FANCD2OS: variants seen among roughly 807,000 people sequenced by gnomAD.
FANCD2OS encodes the protein FANCD2 opposite strand, also known as FANCD2 opposite strand protein.
A neutral mutation model predicts 13.2 loss-of-function variants in FANCD2OS; 11 were observed. The ratio of observed to expected loss-of-function variants is 0.83; its 90% CI spans 0.52 to 1.38. FANCD2OS has a LOEUF of 1.38. Among genes scored for constraint, FANCD2OS ranks in the 40% most tolerant of loss-of-function variants. FANCD2OS has a pLI of 0.00. For missense variants in FANCD2OS, 217 were observed against 213.9 expected, an observed-to-expected ratio of 1.01 and a Z score of -0.09; for synonymous variants, 69 against 84.5, an observed-to-expected ratio of 0.82 and a Z score of 1.01.
rs991559085 is a variant in FANCD2OS at position 10,095,038 on chromosome 3, A to G, written c.*43+9160T>C. 1.8e-5 allele frequency: 12 copies of G among 664,930 alleles called. No homozygotes were observed. In the African/African-American group the frequency reaches 2.1e-4, roughly 12 times the overall value. 41.2% of individuals were successfully genotyped at this position (664,930 alleles called of 1,614,324 possible). On this transcript the variant is annotated intron_variant, in intron 2 of 2. Transcript: ENST00000524279. The stretch of plus-strand genomic sequence containing the variant: ...AATGGGAGAGTTGAGAATAAGAGGT[A>G]GCTGCTATTCCTCCTATTTGAGAGG...
chr3:10,103,525 A>G (rs919999138), downstream of FANCD2OS, among the ~76,000 whole-genome samples: 2 of 152,210 alleles, frequency 1.3e-5, no homozygotes, highest in Admixed American at 1.3e-4. Flanking sequence ...CAGTGAGCCA[A>G]GACCATGCTA....
intron 2 of FANCD2OS, among the ~76,000 whole-genome samples, chr3:10,083,249 C>T (rs886590176): frequency 6.6e-6 from 1 of 151,956 alleles, no homozygotes; most frequent in Non-Finnish European, 1.5e-5. Flanking sequence ...ATCTGGGCCC[C>T]ATGGCCCAGT....
intron 2 of FANCD2OS, among the ~76,000 whole-genome samples, chr3:10,091,464 C>T (rs1694605471): frequency 6.6e-6 from 1 of 150,492 alleles, no homozygotes; most frequent in Non-Finnish European, 1.5e-5. Flanking sequence ...AGACTCAGAC[C>T]CTGTCTCAAA....
chr3:10,100,064 T>C (rs1695211293), downstream of FANCD2OS, among the ~76,000 whole-genome samples: 1 of 151,988 alleles, frequency 6.6e-6, no homozygotes, highest in Admixed American at 6.6e-5. Flanking sequence ...GACGCATGCC[T>C]GTGGTCCCTG....
At chr3:10,094,244 G>A (rs750588337) in intron 2 of FANCD2OS, 4 of 1,487,228 alleles carry the variant, frequency 2.7e-6, no homozygotes, top group South Asian at 2.3e-5. Context: ...GGGCCTTTCA[G>A]TGAGATACCT....
chr3:10,085,182 G>T (rs965804564), intron 2 of FANCD2OS, among the ~76,000 whole-genome samples: 2 of 152,180 alleles, frequency 1.3e-5, no homozygotes, highest in African/African-American at 4.8e-5. Flanking sequence ...TATAGGGAAT[G>T]AAGGAGAGCT....
chr3:10,084,136 T>C (rs938511654), intron 2 of FANCD2OS, among the ~76,000 whole-genome samples: 3 of 151,470 alleles, frequency 2.0e-5, no homozygotes, highest in Admixed American at 1.3e-4. Flanking sequence ...TGAGATTACA[T>C]GCGCCTGCCA....
chr3:10,105,771 ATTATATATATATATATATAT>A (rs1367673488), intron 1 of FANCD2OS, among the ~76,000 whole-genome samples: 9 of 14,060 alleles, frequency 6.4e-4, no homozygotes, highest in African/African-American at 5.7e-3. Context: ...AAAAAAAAAA[ATTATATATATATATATATAT>A]ATATATATAT....
chr3:10,103,210 C>T, downstream of FANCD2OS: 3 of 321,650 alleles, frequency 9.3e-6, no homozygotes, highest in South Asian at 4.7e-5. Context: ...CGAGACCAGC[C>T]CGACCAGCCT....
In FANCD2OS at chr3:10,096,427, T is replaced by C. The variant is rs954149471; in HGVS notation, c.*43+7771A>G. 8.7e-6 allele frequency: 14 copies of C among 1,614,014 alleles called. No individual in the cohort carries two copies. The highest frequency in any genetic ancestry group is 1.1e-5 in the Non-Finnish European group (13 of 1,179,988). ...AAGCTATGCTCACTCTCAACAATTG[T>C]AGAGAGGCTTTCTGGCTGGGCAATC... On this transcript the variant is annotated intron_variant, in intron 2 of 2. Transcript: ENST00000524279.
At chr3:10,087,655 TC>T (rs1553614414) in intron 2 of FANCD2OS, among the ~76,000 whole-genome samples, 1 of 152,132 alleles carries the variant, frequency 6.6e-6, no homozygotes, top group Non-Finnish European at 1.5e-5. Flanking sequence ...CTGGCCTTTT[TC>T]TTTTTTTTTG....
downstream of FANCD2OS, among the ~76,000 whole-genome samples, chr3:10,098,498 C>T (rs1165125494): frequency 6.6e-6 from 1 of 152,156 alleles, no homozygotes; most frequent in African/African-American, 2.4e-5. Flanking sequence ...TAAGATGAAC[C>T]TTTCGTTACA....
chr3:10,092,268 G>C (rs767163581), intron 2 of FANCD2OS: 1 of 1,581,062 alleles, frequency 6.3e-7, no homozygotes, highest in South Asian at 1.1e-5. Context: ...TATGGAGACT[G>C]CTTGACACAT....
At chr3:10,098,714 AT>A (rs1695126174), downstream of FANCD2OS, 3 of 1,614,016 alleles carry the variant, frequency 1.9e-6, no homozygotes, top group African/African-American at 4.0e-5. Context: ...GTCCATTCAC[AT>A]TTAGGGTGAA....
intron 2 of FANCD2OS, chr3:10,088,547 G>T: frequency 6.3e-7 from 1 of 1,587,332 alleles, no homozygotes; most frequent in East Asian, 2.2e-5. Flanking sequence ...GCTCTGGTGA[G>T]ATGTTTGGTT....
chr3:10,096,388 A>G (rs1694966046), intron 2 of FANCD2OS: 1 of 1,613,996 alleles, frequency 6.2e-7, no homozygotes, highest in South Asian at 1.1e-5. Context: ...TGGAACTTTT[A>G]GTTTGCAGAG....
At chr3:10,100,430 G>A (rs556414911), downstream of FANCD2OS, among the ~76,000 whole-genome samples, 1 of 152,282 alleles carries the variant, frequency 6.6e-6, no homozygotes, top group South Asian at 2.1e-4. Flanking sequence ...CTAGCATGCA[G>A]TGGTGCAGTC....
At chr3:10,090,470 T>C (rs1017880445) in intron 2 of FANCD2OS, 1 of 845,042 alleles carries the variant, frequency 1.2e-6, no homozygotes, top group South Asian at 1.5e-5. Context: ...TTTTTTTTTT[T>C]TCTGAGACAG....
chr3:10,103,735 C>T (rs532627066), downstream of FANCD2OS, among the ~76,000 whole-genome samples: 16 of 152,104 alleles, frequency 1.1e-4, no homozygotes, highest in Non-Finnish European at 2.1e-4. Context: ...GTATTTCTAC[C>T]CACTTTTGTA....
Sources: gnomAD v4.1 joint callset for allele counts (sites outside exome capture counted in the v4.1 genomes callset) on GRCh38, gnomAD v4.1.1 for gene constraint, MANE v1.5 for transcripts, NCBI Gene and HGNC (gene_info 2026-07-23, HGNC 2026-07-21) for gene names.